The following DNAH3 variants were observed in gnomAD, a reference collection of about 807,000 sequenced individuals.
DNAH3 encodes dynein axonemal heavy chain 3.
DNAH3 carries 332 observed loss-of-function variants against 432.5 expected under a neutral mutation model. The observed-to-expected ratio is 0.77, with a 90% CI of 0.70 to 0.84. The LOEUF (loss-of-function observed/expected upper bound fraction) is 0.84, where lower values mean the gene tolerates loss of function less well. Among genes scored for constraint, DNAH3 ranks in the 40% least tolerant of loss-of-function variants. DNAH3 has a pLI of 0.00. For missense variants in DNAH3, 4,861 were observed against 5,114.0 expected (o/e 0.95, Z 1.51); for synonymous variants, 1,956 against 1,900.2 (o/e 1.03, Z -0.76).
chr16:20,975,397 C>T, exon 51 of DNAH3: 1 of 1,614,098 alleles, frequency 6.2e-7, no homozygotes, highest in Non-Finnish European at 8.5e-7. Flanking sequence ...GCTGTCAGTT[C>T]TCTTTGCATA....
intron 50 of DNAH3, among the ~76,000 whole-genome samples, chr16:20,978,714 A>AT (rs1014699548): frequency 1.3e-5 from 2 of 151,784 alleles, no homozygotes; most frequent in African/African-American, 4.8e-5. Context: ...TATTTTATTT[A>AT]TTTTTTTGTA....
At chr16:21,097,231 TG>T in intron 18 of DNAH3, 123 bp downstream of exon 18, 1 of 1,154,442 alleles carries the variant, frequency 8.7e-7, no homozygotes, top group Non-Finnish European at 1.3e-6. Context: ...TGCCTTAATC[TG>T]GAGTGTCAGA....
chr16:21,058,318 A>AC (rs1416443518), intron 26 of DNAH3, 122 bp from the exon 27 acceptor site: 12 of 586,466 alleles, frequency 2.0e-5, no homozygotes, highest in African/African-American at 5.6e-5. Flanking sequence ...CCATCCTCAG[A>AC]CGCTACAAGG....
chr16:21,125,585 T>C (rs1260849190), intron 8 of DNAH3, among the ~76,000 whole-genome samples: 1 of 152,192 alleles, frequency 6.6e-6, no homozygotes, highest in Non-Finnish European at 1.5e-5. Flanking sequence ...TATTCTTCCA[T>C]TGAGAATACC....
At chr16:21,008,141 CAG>C (rs1350276643) in intron 41 of DNAH3, among the ~76,000 whole-genome samples, 1 of 152,150 alleles carries the variant, frequency 6.6e-6, no homozygotes, top group Non-Finnish European at 1.5e-5. Flanking sequence ...ATTCTTTCAA[CAG>C]AAATATTTTC....
At chr16:21,135,915 G>C (rs1567854556) in intron 6 of DNAH3, among the ~76,000 whole-genome samples, 2 of 150,916 alleles carry the variant, frequency 1.3e-5, no homozygotes. Context: ...TACAAATGTA[G>C]AATCTCAGGC....
intron 15 of DNAH3, among the ~76,000 whole-genome samples, chr16:21,106,281 G>A (rs1316995724): frequency 4.0e-5 from 6 of 151,640 alleles, no homozygotes; most frequent in Non-Finnish European, 8.8e-5. Flanking sequence ...CTGTGGATAT[G>A]AGTATAAAAT....
At chr16:20,969,518 T>C (rs548617011) in intron 52 of DNAH3, among the ~76,000 whole-genome samples, 1 of 152,340 alleles carries the variant, frequency 6.6e-6, no homozygotes, top group South Asian at 2.1e-4. Context: ...CTGACCTTCA[T>C]TTTTGTAATG....
At chr16:21,132,762 C>T (rs4783526) in intron 7 of DNAH3, among the ~76,000 whole-genome samples, 24,799 of 152,076 alleles carry the variant, frequency 0.16, 2,490 homozygotes, top group South Asian at 0.23. Context: ...GGAGTGACTG[C>T]TAATGGGTTT....
Position 20,968,833 on chromosome 16 carries a change from C to T in DNAH3, c.8458+959G>A, listed in dbSNP as rs576922270. 2.4e-3 allele frequency among the ~76,000 whole-genome samples: 355 copies of T among 148,128 alleles called. 1 individual carries two copies. Among genetic ancestry groups the T allele is most frequent in the African/African-American group, 8.6e-3 (339 of 39,422 alleles). On this transcript the variant is annotated intron_variant, in intron 52 of 61. Transcript: ENST00000261383. The stretch of plus-strand genomic sequence containing the variant: ...TCTGTCTTCGTGTGAGTGTTTTTTT[C>T]TCCCTGTCTCTGTCTCTCTTCTCTC...
chr16:21,153,636 G>C (rs370208532), intron 1 of DNAH3, among the ~76,000 whole-genome samples: 6 of 151,988 alleles, frequency 3.9e-5, no homozygotes, highest in Non-Finnish European at 7.4e-5. Context: ...TAACACTCAC[G>C]GTGAAGGTCT....
At chr16:21,154,192 T>C (rs1292644549) in intron 1 of DNAH3, among the ~76,000 whole-genome samples, 1 of 152,190 alleles carries the variant, frequency 6.6e-6, no homozygotes, top group African/African-American at 2.4e-5. Context: ...TCGCCTGAGG[T>C]CAGGGGTTCA....
At chr16:21,057,615 A>G (rs2090181247) in intron 27 of DNAH3, among the ~76,000 whole-genome samples, 1 of 152,178 alleles carries the variant, frequency 6.6e-6, no homozygotes, top group African/African-American at 2.4e-5. Context: ...GAATATGTGT[A>G]TTTGGATCTG....
At chr16:21,062,493 C>T (rs1215926111) in exon 25 of DNAH3, 1 of 1,614,122 alleles carries the variant, frequency 6.2e-7, no homozygotes, top group East Asian at 2.2e-5. Context: ...TTGGCATTAG[C>T]TGGGTAGATT....
At chr16:21,145,935 C>G (rs2092777338) in intron 2 of DNAH3, 49 bp downstream of exon 3, 15 of 1,209,208 alleles carry the variant, frequency 1.2e-5, no homozygotes, top group Non-Finnish European at 1.6e-5. Flanking sequence ...GGGGGATGCA[C>G]TTCACCTCCT....
chr16:21,099,537 A>G (rs1022715283), intron 16 of DNAH3, among the ~76,000 whole-genome samples: 7 of 152,200 alleles, frequency 4.6e-5, no homozygotes, highest in Non-Finnish European at 7.3e-5. Flanking sequence ...ATGAGGTAGA[A>G]TAATATAGTG....
At chr16:20,992,548 G>A (rs111922147) in intron 44 of DNAH3, among the ~76,000 whole-genome samples, 4 of 152,174 alleles carry the variant, frequency 2.6e-5, no homozygotes, top group African/African-American at 9.6e-5. Context: ...GGGTTTCACC[G>A]TGTTAGCCAG....
intron 22 of DNAH3, among the ~76,000 whole-genome samples, 195 bp from the exon 23 acceptor site, chr16:21,069,789 C>A (rs533773986): frequency 2.0e-5 from 3 of 152,190 alleles, no homozygotes; most frequent in East Asian, 1.9e-4. Flanking sequence ...GAATGAAACA[C>A]ACAAGAGCTT....
At chr16:20,938,963 C>T (rs1357938704) in intron 59 of DNAH3, among the ~76,000 whole-genome samples, 2 of 151,998 alleles carry the variant, frequency 1.3e-5, no homozygotes, top group Non-Finnish European at 2.9e-5. Flanking sequence ...TGGGGTTTTG[C>T]CATGTTGCCC....
Sources: allele counts gnomAD v4.1 joint callset (sites outside exome capture counted in the v4.1 genomes callset), GRCh38; gene constraint gnomAD v4.1.1; transcripts MANE v1.5; gene names NCBI Gene and HGNC (gene_info 2026-07-23, HGNC 2026-07-21).